The following SMYD3 variants were observed in gnomAD, a reference collection of about 807,000 sequenced individuals.
SMYD3 encodes SET and MYND domain containing 3, also known as histone-lysine N-methyltransferase SMYD3.
Under a neutral mutation model 57.7 loss-of-function variants are expected in SMYD3, and 36 were observed. The ratio of observed to expected loss-of-function variants is 0.62; its 90% CI spans 0.48 to 0.82. SMYD3 has a LOEUF of 0.82. Among genes scored for constraint, SMYD3 ranks in the 40% least tolerant of loss-of-function variants. SMYD3 has a pLI of 0.00. For synonymous variants in SMYD3, 211 were observed against 195.0 expected (o/e 1.08, Z -0.68); for missense variants, 515 against 538.8 (o/e 0.96, Z 0.44).
chr1:245,786,209 T>C (rs2047034087), intron 10 of SMYD3, among the ~76,000 whole-genome samples: 1 of 73,494 alleles, frequency 1.4e-5, no homozygotes, highest in South Asian at 5.4e-4. Context: ...AGTTGGGGTG[T>C]GGACGGGGGG....
At chr1:246,226,558 C>T (rs141035913) in intron 5 of SMYD3, among the ~76,000 whole-genome samples, 50 of 152,328 alleles carry the variant, frequency 3.3e-4, no homozygotes, top group African/African-American at 1.1e-3. Flanking sequence ...AAAACTTCTT[C>T]ACTCGAGTCA....
chr1:245,915,235 C>G (rs1200541011), intron 8 of SMYD3, among the ~76,000 whole-genome samples: 1 of 152,214 alleles, frequency 6.6e-6, no homozygotes, highest in Non-Finnish European at 1.5e-5. Context: ...ATATGTTCTA[C>G]TAGCACTCTG....
At chr1:245,817,721 A>C (rs1356927744) in intron 10 of SMYD3, among the ~76,000 whole-genome samples, 2 of 152,138 alleles carry the variant, frequency 1.3e-5, no homozygotes, top group Admixed American at 6.5e-5. Flanking sequence ...TGGAGCTGAA[A>C]ACCAAGGCTC....
chr1:246,376,892 G>T (rs950212987), intron 1 of SMYD3, among the ~76,000 whole-genome samples: 5 of 152,012 alleles, frequency 3.3e-5, no homozygotes, highest in African/African-American at 1.2e-4. Flanking sequence ...CTGAGGTCAG[G>T]AGTTCAAGAC....
intron 10 of SMYD3, among the ~76,000 whole-genome samples, chr1:245,816,163 C>T (rs1326944885): frequency 6.6e-6 from 1 of 152,184 alleles, no homozygotes; most frequent in Admixed American, 6.5e-5. Context: ...CTGTCGCTAG[C>T]CTTCCTAAAT....
chr1:245,901,929 T>C (rs1180234440), intron 8 of SMYD3, among the ~76,000 whole-genome samples: 1 of 152,118 alleles, frequency 6.6e-6, no homozygotes, highest in Non-Finnish European at 1.5e-5. Context: ...CTGAGCCTAG[T>C]ATAGGGAGTT....
intron 5 of SMYD3, among the ~76,000 whole-genome samples, chr1:246,227,956 CTTTT>C (rs202246263): frequency 8.7e-6 from 1 of 115,594 alleles, no homozygotes; most frequent in Non-Finnish European, 1.7e-5. Context: ...ATTTTTATTC[CTTTT>C]TTTTTTTTTT....
At chr1:246,153,028 A>G (rs1319751495) in intron 5 of SMYD3, among the ~76,000 whole-genome samples, 1 of 152,160 alleles carries the variant, frequency 6.6e-6, no homozygotes, top group African/African-American at 2.4e-5. Context: ...TCTGATGTCC[A>G]ATTTTCTCTT....
chr1:245,853,731 A>G (rs1460698434), intron 10 of SMYD3, among the ~76,000 whole-genome samples: 2 of 152,214 alleles, frequency 1.3e-5, no homozygotes, highest in African/African-American at 4.8e-5. Flanking sequence ...GGAGAAAAAA[A>G]AAATCCCCCG....
chr1:246,465,612 G>A (rs1003002393), intron 1 of SMYD3, among the ~76,000 whole-genome samples: 1 of 152,136 alleles, frequency 6.6e-6, no homozygotes, highest in African/African-American at 2.4e-5. Context: ...GGCAGGAATT[G>A]CTTGTGCCCA....
At chr1:246,043,983 G>C (rs931057486) in intron 5 of SMYD3, among the ~76,000 whole-genome samples, 2 of 152,162 alleles carry the variant, frequency 1.3e-5, no homozygotes, top group African/African-American at 4.8e-5. Flanking sequence ...CGCTCTACCT[G>C]CTGCAGTGTC....
Position 246,129,096 on chromosome 1 carries a change from T to C in SMYD3, c.531+198105A>G, listed in dbSNP as rs140479577. Among the ~76,000 whole-genome samples, 466 of 152,258 alleles carry C rather than the reference T, an allele frequency of 3.1e-3. 1 individual carries two copies. Among genetic ancestry groups the C allele is most frequent in the Non-Finnish European group, 5.3e-3 (358 of 68,020 alleles). Reference sequence around the variant, plus strand: ...TACAGGTGTGTGGCCCTCCCCACTGTTGATCCCATTCTTGTTCATTGCGAT... The same window carrying C: ...TACAGGTGTGTGGCCCTCCCCACTGCTGATCCCATTCTTGTTCATTGCGAT... On this transcript the variant is annotated intron_variant, in intron 5 of 11. Transcript: ENST00000490107.
chr1:245,779,156 T>C (rs2046730615), intron 10 of SMYD3, among the ~76,000 whole-genome samples: 1 of 126,746 alleles, frequency 7.9e-6, no homozygotes, highest in African/African-American at 3.5e-5. Context: ...TGAGACACTG[T>C]CCCAAGGGGA....
At chr1:246,356,527 C>G (rs1361852097) in intron 1 of SMYD3, among the ~76,000 whole-genome samples, 1 of 152,108 alleles carries the variant, frequency 6.6e-6, no homozygotes, top group Non-Finnish European at 1.5e-5. Flanking sequence ...TGAACTCCAA[C>G]TTAAAGAAAT....
chr1:245,918,365 T>C (rs918792971), intron 7 of SMYD3, among the ~76,000 whole-genome samples: 1 of 152,198 alleles, frequency 6.6e-6, no homozygotes, highest in African/African-American at 2.4e-5. Flanking sequence ...CTTCTCATAC[T>C]TGGCAGGGAG....
At chr1:246,462,121 G>A (rs1001541979) in intron 1 of SMYD3, among the ~76,000 whole-genome samples, 17 of 152,172 alleles carry the variant, frequency 1.1e-4, no homozygotes, top group Non-Finnish European at 1.9e-4. Context: ...ACACTTTTAC[G>A]TGTGTGGAGG....
At chr1:246,060,899 T>C (rs2060241393) in intron 5 of SMYD3, among the ~76,000 whole-genome samples, 2 of 152,224 alleles carry the variant, frequency 1.3e-5, no homozygotes, top group Non-Finnish European at 2.9e-5. Context: ...CCTAACAGAA[T>C]GCTGATTTTA....
intron 5 of SMYD3, among the ~76,000 whole-genome samples, chr1:246,066,482 T>C (rs1238638687): frequency 6.6e-6 from 1 of 152,204 alleles, no homozygotes; most frequent in African/African-American, 2.4e-5. Flanking sequence ...GTAGTGTGTC[T>C]AAAATTCTCT....
intron 1 of SMYD3, among the ~76,000 whole-genome samples, chr1:246,422,544 C>A (rs1002104872): frequency 6.6e-6 from 1 of 152,112 alleles, no homozygotes; most frequent in African/African-American, 2.4e-5. Flanking sequence ...CCTGCCTCAG[C>A]CTCCTGAGCA....
Sources: gnomAD v4.1 joint callset for allele counts (sites outside exome capture counted in the v4.1 genomes callset) on GRCh38, gnomAD v4.1.1 for gene constraint, MANE v1.5 for transcripts, NCBI Gene and HGNC (gene_info 2026-07-23, HGNC 2026-07-21) for gene names.